Variants in PRKACB observed in about 807,000 individuals in gnomAD.
PRKACB encodes the protein cAMP-dependent protein kinase catalytic subunit beta.
Under a neutral mutation model 51.4 loss-of-function variants are expected in PRKACB, and 16 were observed. That is an observed-to-expected ratio of 0.31 (90% CI 0.21 to 0.47). The LOEUF is 0.47. Ranked by LOEUF, PRKACB falls within the 20% of genes least tolerant of loss-of-function variation. The pLI, the probability that PRKACB is intolerant of heterozygous loss-of-function variation, is 1.00. For missense variants in PRKACB, 309 were observed against 464.5 expected (o/e 0.67, Z 3.08); for synonymous variants, 147 against 154.4 (o/e 0.95, Z 0.35).
chr1:84,154,006 T>C (rs1293767633), intron 1 of PRKACB, among the ~76,000 whole-genome samples: 1 of 152,134 alleles, frequency 6.6e-6, no homozygotes, highest in East Asian at 1.9e-4. Flanking sequence ...AAGGGTTCTG[T>C]TTTCTCCAGG....
intron 9 of PRKACB, among the ~76,000 whole-genome samples, chr1:84,215,222 C>T (rs1383938678): frequency 6.6e-6 from 1 of 152,032 alleles, no homozygotes; most frequent in Non-Finnish European, 1.5e-5. Context: ...TTCCTTTTAA[C>T]AATTATTTAT....
intron 8 of PRKACB, chr1:84,204,739 A>T (rs1289206910): frequency 2.3e-6 from 2 of 870,792 alleles, no homozygotes; most frequent in South Asian, 1.1e-4. Context: ...AATCTTTACT[A>T]TATTACTTTT....
intron 1 of PRKACB, among the ~76,000 whole-genome samples, chr1:84,133,542 T>C (rs1011339477): frequency 2.0e-5 from 3 of 152,112 alleles, no homozygotes; most frequent in Non-Finnish European, 4.4e-5. Flanking sequence ...GATGCCTTCG[T>C]GGTGGTGGGG....
At chr1:84,091,079 C>T (rs1047057207) in intron 1 of PRKACB, among the ~76,000 whole-genome samples, 5 of 152,092 alleles carry the variant, frequency 3.3e-5, no homozygotes, top group African/African-American at 7.2e-5. Context: ...CCTTTCTCAT[C>T]GCTCACCTAC....
chr1:84,093,994 AT>A (rs1648725843), intron 1 of PRKACB, among the ~76,000 whole-genome samples: 1 of 151,950 alleles, frequency 6.6e-6, no homozygotes, highest in South Asian at 2.1e-4. Flanking sequence ...ACTGTAAGTT[AT>A]TTATAGATAC....
intron 1 of PRKACB, among the ~76,000 whole-genome samples, chr1:84,080,247 C>T (rs1312116135): frequency 6.6e-6 from 1 of 152,022 alleles, no homozygotes; most frequent in Non-Finnish European, 1.5e-5. Context: ...TATTAAGTTA[C>T]CAAAACAATT....
At chr1:84,143,405 C>G (rs555810673), upstream of PRKACB, among the ~76,000 whole-genome samples, 1 of 151,828 alleles carries the variant, frequency 6.6e-6, no homozygotes, top group African/African-American at 2.4e-5. Context: ...GAGCAGAGGT[C>G]GCACCACTGC....
intron 1 of PRKACB, among the ~76,000 whole-genome samples, chr1:84,111,830 T>G (rs1306810463): frequency 6.6e-6 from 1 of 152,100 alleles, no homozygotes; most frequent in South Asian, 2.1e-4. Context: ...CAAGACCTGA[T>G]ATATATATAT....
At chr1:84,164,518 A>G in intron 1 of PRKACB, 2 of 1,485,430 alleles carry the variant, frequency 1.3e-6, no homozygotes, top group South Asian at 1.2e-5. Flanking sequence ...GTAATTTATA[A>G]TCATGTGGCT....
chr1:84,181,036 A>T (rs904673548), intron 2 of PRKACB, among the ~76,000 whole-genome samples: 1 of 152,078 alleles, frequency 6.6e-6, no homozygotes, highest in South Asian at 2.1e-4. Context: ...AAAAAATCTT[A>T]TGACTACTTA....
chr1:84,175,185 A>G (rs1418991819), intron 1 of PRKACB: 21 of 911,966 alleles, frequency 2.3e-5, no homozygotes, highest in African/African-American at 3.5e-5. Context: ...ATTTTCATTG[A>G]TGAAGGAAAT....
intron 1 of PRKACB, chr1:84,164,874 G>T (rs898020907): frequency 7.2e-7 from 1 of 1,385,956 alleles, no homozygotes. Context: ...AGCTCTTTTC[G>T]TTTTCTGTGT....
intron 9 of PRKACB, among the ~76,000 whole-genome samples, chr1:84,232,221 T>C (rs1675812536): frequency 6.6e-6 from 1 of 151,878 alleles, no homozygotes; most frequent in Non-Finnish European, 1.5e-5. Flanking sequence ...TTCCATGTAG[T>C]TGAGCGGTTT....
At chr1:84,225,901 C>A (rs1460616612) in intron 9 of PRKACB, among the ~76,000 whole-genome samples, 1 of 152,172 alleles carries the variant, frequency 6.6e-6, no homozygotes, top group Non-Finnish European at 1.5e-5. Flanking sequence ...CACTTCCCTG[C>A]TAAATTTCAG....
rs143623477 is a variant in PRKACB at position 84,226,409 on chromosome 1, G to A, written c.1072-8771G>A. ...TTCTGCATTTACTCAAATATCTTTC[G>A]TCATTCAGTAAAGTTTTAGAGAACC... On this transcript the variant is annotated intron_variant, in intron 9 of 9. Coordinates refer to ENST00000370685, the MANE Select transcript of PRKACB (RefSeq NM_182948.4). Among the ~76,000 whole-genome samples, 931 of 151,722 alleles carry A rather than the reference G, an allele frequency of 6.1e-3. 6 individuals carry two copies. The highest frequency in any genetic ancestry group is 0.011 in the Non-Finnish European group (752 of 67,902).
intron 1 of PRKACB, among the ~76,000 whole-genome samples, chr1:84,146,555 A>T (rs559722813): frequency 6.6e-6 from 1 of 152,118 alleles, no homozygotes; most frequent in East Asian, 1.9e-4. Flanking sequence ...TATGAACCAC[A>T]TTCTTCAAAG....
chr1:84,199,065 A>G (rs643972), intron 7 of PRKACB, among the ~76,000 whole-genome samples: 2 of 51,214 alleles, frequency 3.9e-5, no homozygotes, highest in African/African-American at 8.3e-5. Context: ...ATATGCGTAT[A>G]TATGCATATA....
chr1:84,119,332 T>G (rs1650873114), intron 1 of PRKACB, among the ~76,000 whole-genome samples: 1 of 152,116 alleles, frequency 6.6e-6, no homozygotes, highest in African/African-American at 2.4e-5. Flanking sequence ...AGGAAATATA[T>G]TTTATAGCTT....
intron 1 of PRKACB, among the ~76,000 whole-genome samples, chr1:84,102,216 A>G (rs540863163): frequency 8.6e-5 from 13 of 151,836 alleles, no homozygotes; most frequent in African/African-American, 3.1e-4. Flanking sequence ...TAAAAAAAAA[A>G]AAAAATACAA....
Sources: gnomAD v4.1 joint callset for allele counts (sites outside exome capture counted in the v4.1 genomes callset) on GRCh38, gnomAD v4.1.1 for gene constraint, MANE v1.5 for transcripts, NCBI Gene and HGNC (gene_info 2026-07-23, HGNC 2026-07-21) for gene names.